The following PAM variants were observed in gnomAD, a reference collection of about 807,000 sequenced individuals.
PAM encodes peptidyl-glycine alpha-amidating monooxygenase.
A neutral mutation model predicts 122.1 loss-of-function variants in PAM; 72 were observed. The observed-to-expected ratio is 0.59, with a 90% confidence interval of 0.49 to 0.72. The LOEUF (loss-of-function observed/expected upper bound fraction) is 0.72, where lower values mean the gene tolerates loss of function less well. PAM is among the 30% of genes least tolerant of loss of function. The pLI is 0.00. For missense variants in PAM, 1,106 were observed against 1,183.7 expected (o/e 0.93, Z 0.96); for synonymous variants, 389 against 404.4 (o/e 0.96, Z 0.46).
At chr5:102,987,439 A>G in intron 15 of PAM, 1 of 409,762 alleles carries the variant, frequency 2.4e-6, no homozygotes, top group Non-Finnish European at 4.8e-6. Flanking sequence ...ACATGTAGAG[A>G]GATGAAATAA....
intron 1 of PAM, among the ~76,000 whole-genome samples, chr5:102,774,385 G>A (rs901966305): frequency 2.0e-5 from 3 of 152,138 alleles, no homozygotes; most frequent in East Asian, 3.9e-4. Context: ...AGTATAGTGT[G>A]GGGATTAAGA....
chr5:102,792,524 G>T (rs1285046634), intron 1 of PAM, among the ~76,000 whole-genome samples: 1 of 152,118 alleles, frequency 6.6e-6, no homozygotes, highest in Non-Finnish European at 1.5e-5. Context: ...CACTTTGTGT[G>T]CACTCTTTTC....
At chr5:102,956,423 G>A (rs1760774447) in intron 12 of PAM, among the ~76,000 whole-genome samples, 1 of 152,000 alleles carries the variant, frequency 6.6e-6, no homozygotes, top group Non-Finnish European at 1.5e-5. Flanking sequence ...CTTAGCTTAT[G>A]TTTTTATTTT....
chr5:102,984,382 G>A (rs1185202145), intron 15 of PAM, among the ~76,000 whole-genome samples: 1 of 152,054 alleles, frequency 6.6e-6, no homozygotes, highest in East Asian at 1.9e-4. Context: ...GAAAGTGAAG[G>A]AATAGTAAAA....
intron 1 of PAM, among the ~76,000 whole-genome samples, chr5:102,836,411 T>G (rs1261414624): frequency 1.3e-5 from 2 of 152,138 alleles, no homozygotes; most frequent in East Asian, 3.9e-4. Flanking sequence ...TAGTTTTGTT[T>G]GTAGAGATGG....
At position 103,003,369 on chromosome 5, in the gene PAM, T is replaced by C. The variant is rs373188347; in HGVS notation, c.1730+220T>C. Among the ~76,000 whole-genome samples the C allele has an allele frequency of 8.5e-5, 13 of 152,248 alleles. No individual in the cohort carries two copies. The East Asian group carries it at 2.5e-3, about 29-fold the overall frequency. On this transcript the variant is annotated intron_variant, in intron 17 of 25. Coordinates refer to ENST00000438793, the MANE Select transcript of PAM (RefSeq NM_001177306.2). ...TTCAAAATATTTAGATTCACTTATC[T>C]GTTTGCCATTTGTATGTTTTCTTCT...
chr5:103,024,855 A>G (rs192490958), intron 23 of PAM, among the ~76,000 whole-genome samples: 21 of 152,318 alleles, frequency 1.4e-4, no homozygotes, highest in Admixed American at 1.4e-3. Context: ...GGAAAAATAC[A>G]AAAGGATATA....
chr5:102,772,498 T>G (rs1756077539), intron 1 of PAM, among the ~76,000 whole-genome samples: 1 of 152,118 alleles, frequency 6.6e-6, no homozygotes, highest in African/African-American at 2.4e-5. Flanking sequence ...TTCTCAAACT[T>G]ATGTGCTAGG....
chr5:102,845,152 G>C (rs1364106413), intron 1 of PAM, among the ~76,000 whole-genome samples: 1 of 152,236 alleles, frequency 6.6e-6, no homozygotes, highest in Admixed American at 6.5e-5. Flanking sequence ...ACATTGAGCA[G>C]CTGTTTGTAA....
intron 1 of PAM, among the ~76,000 whole-genome samples, chr5:102,770,622 C>G (rs1401705118): frequency 6.6e-6 from 1 of 152,036 alleles, no homozygotes; most frequent in Non-Finnish European, 1.5e-5. Flanking sequence ...TCATGATGAT[C>G]ATATGGTTTT....
chr5:102,999,756 C>T (rs997136936), intron 16 of PAM, among the ~76,000 whole-genome samples: 1 of 152,204 alleles, frequency 6.6e-6, no homozygotes, highest in Non-Finnish European at 1.5e-5. Context: ...AAGGCCCAAG[C>T]TATACCTTGG....
intron 4 of PAM, among the ~76,000 whole-genome samples, chr5:102,913,063 GC>G (rs1360910615): frequency 1.2e-4 from 18 of 151,926 alleles, no homozygotes; most frequent in African/African-American, 4.1e-4. Flanking sequence ...GCTGAAAGAT[GC>G]ATTTTTGCAC....
At chr5:102,851,715 A>G (rs1054019832) in intron 1 of PAM, among the ~76,000 whole-genome samples, 4 of 152,224 alleles carry the variant, frequency 2.6e-5, no homozygotes, top group Admixed American at 2.6e-4. Flanking sequence ...AATTAATAGT[A>G]TTGTTTTAAT....
chr5:103,018,907 AC>A (rs1206414455), intron 22 of PAM, among the ~76,000 whole-genome samples: 2 of 152,154 alleles, frequency 1.3e-5, no homozygotes, highest in Non-Finnish European at 2.9e-5. Flanking sequence ...CACAAGGAGC[AC>A]GCAACCTAGA....
intron 14 of PAM, 110 bp from the exon 15 acceptor site, chr5:102,974,006 T>C: frequency 1.4e-6 from 1 of 689,994 alleles, no homozygotes; most frequent in Non-Finnish European, 2.4e-6. Flanking sequence ...TGCAAACTTC[T>C]CTCTTATTTA....
At chr5:102,795,335 A>G (rs1200299586) in intron 1 of PAM, among the ~76,000 whole-genome samples, 3 of 152,086 alleles carry the variant, frequency 2.0e-5, no homozygotes, top group Non-Finnish European at 4.4e-5. Flanking sequence ...AAACTCAAAA[A>G]TTACTATTGA....
intron 15 of PAM, among the ~76,000 whole-genome samples, chr5:102,981,453 G>T (rs1769835615): frequency 6.6e-6 from 1 of 152,212 alleles, no homozygotes; most frequent in Non-Finnish European, 1.5e-5. Flanking sequence ...TCAGCATTCT[G>T]CTATGGGTGA....
chr5:102,794,041 T>C (rs1488318431), intron 1 of PAM, among the ~76,000 whole-genome samples: 4 of 152,222 alleles, frequency 2.6e-5, no homozygotes, highest in Non-Finnish European at 4.4e-5. Context: ...TTTAACACTT[T>C]TGAATTTATA....
chr5:102,885,584 G>C (rs1449538793), intron 3 of PAM, among the ~76,000 whole-genome samples: 1 of 151,886 alleles, frequency 6.6e-6, no homozygotes, highest in African/African-American at 2.4e-5. Context: ...TTAACAAATA[G>C]TCTCTATATT....
Sources: allele counts gnomAD v4.1 joint callset (sites outside exome capture counted in the v4.1 genomes callset), GRCh38; gene constraint gnomAD v4.1.1; transcripts MANE v1.5; gene names NCBI Gene and HGNC (gene_info 2026-07-23, HGNC 2026-07-21).